The following GAA variants were observed in gnomAD, a reference collection of about 807,000 sequenced individuals.
GAA encodes the protein alpha glucosidase, also known as lysosomal alpha-glucosidase.
In GAA, 88 loss-of-function variants were observed where a neutral mutation model predicts 103.9. That is an observed-to-expected ratio of 0.85 (90% CI 0.71 to 1.01). GAA has a LOEUF of 1.01. Among genes scored for constraint, GAA ranks in the 50% least tolerant of loss-of-function variants. GAA has a pLI of 0.00. For synonymous variants in GAA, 572 were observed against 563.1 expected (o/e 1.02, Z -0.22); for missense variants, 1,350 against 1,305.3 (o/e 1.03, Z -0.53).
chr17:80,119,016 G>A (rs1182845684), intron 19 of GAA, among the ~76,000 whole-genome samples: 2 of 152,208 alleles, frequency 1.3e-5, no homozygotes, highest in South Asian at 2.1e-4. Flanking sequence ...CCACAATGAC[G>A]ACCTCTGAGC....
intron 15 of GAA, among the ~76,000 whole-genome samples, chr17:80,114,862 A>G (rs2143907930): frequency 6.6e-6 from 1 of 152,144 alleles, no homozygotes; most frequent in East Asian, 1.9e-4. Flanking sequence ...TTGACTTCAG[A>G]GTCTCTTAAT....
chr17:80,112,433 G>T, intron 12 of GAA, 145 bp from the exon 13 acceptor site: 1 of 1,032,186 alleles, frequency 9.7e-7, no homozygotes, highest in Non-Finnish European at 1.4e-6. Flanking sequence ...TGTGCCCGCA[G>T]ACATGGGCAG....
chr17:80,104,762 G>A lies in GAA; in HGVS notation c.176G>A (p.Gly59Glu), dbSNP rs749386653. Residue 59 changes from glycine (G) to glutamate (E), a missense_variant, in exon 2 of 20, where the codon GGA (glycine) becomes GAA (glutamate). Transcript: ENST00000302262. This position sits in a 1 kb window ranked among gnomAD's most constrained non-coding sequence, Gnocchi z 4.0. ...LEETHPAHQQ[G>E]ASRPGPRDAQ... ...GAGACTCACCCAGCTCACCAGCAGGGAGCCAGCAGACCAGGGCCCCGGGAT... is the reference window on the plus strand; with the variant it reads ...GAGACTCACCCAGCTCACCAGCAGGAAGCCAGCAGACCAGGGCCCCGGGAT... 6.2e-7 allele frequency: 1 copy of A among 1,611,616 alleles called. No individual in the cohort carries two copies. The highest frequency in any genetic ancestry group is 8.5e-7 in the Non-Finnish European group (1 of 1,179,462).
chr17:80,117,328 G>T (rs1204201500), intron 16 of GAA, among the ~76,000 whole-genome samples: 1 of 152,210 alleles, frequency 6.6e-6, no homozygotes, highest in South Asian at 2.1e-4. Context: ...AGGCCTGCTT[G>T]CAGAACCTGG....
chr17:80,110,668 G>T (rs1369769654), intron 9 of GAA, 59 bp from the exon 10 acceptor site: 1 of 1,459,450 alleles, frequency 6.9e-7, no homozygotes, highest in Non-Finnish European at 9.6e-7. Context: ...GCTCAGTGGG[G>T]CTTCCATGCA....
chr17:80,105,354 T>A lies in GAA; in HGVS notation c.546+222T>A, dbSNP rs192968608. Among the ~76,000 whole-genome samples the A allele has an allele frequency of 4.1e-4, 62 of 152,222 alleles. 1 individual carries two copies. The South Asian group carries it at 6.2e-3, about 15-fold the overall frequency. On this transcript the variant is annotated intron_variant, in intron 2 of 19. Coordinates refer to ENST00000302262, the MANE Select transcript of GAA (RefSeq NM_000152.5). ...GCAGGGCTCGGGGCTCATTCATCTT[T>A]ATGAAAAGGTGGGTCAGGTAGAGTA... is the stretch of plus-strand genomic sequence containing the variant.
chr17:80,105,342 C>G (rs1389094861), intron 2 of GAA, among the ~76,000 whole-genome samples: 1 of 152,160 alleles, frequency 6.6e-6, no homozygotes, highest in Non-Finnish European at 1.5e-5. Flanking sequence ...GGGCTCGGGG[C>G]TCATTCATCT....
chr17:80,108,158 T>G, intron 5 of GAA, 132 bp from the exon 6 acceptor site: 1 of 1,513,914 alleles, frequency 6.6e-7, no homozygotes, highest in Non-Finnish European at 9.1e-7. Flanking sequence ...TTAGCACGGC[T>G]TCCCCAGGCC....
At chr17:80,111,895 A>AG in intron 11 of GAA, 88 bp from the exon 12 acceptor site, 1 of 1,111,934 alleles carries the variant, frequency 9.0e-7, no homozygotes, top group Non-Finnish European at 1.3e-6. Context: ...CGACCTGCAC[A>AG]GGGGCTCCTG....
chr17:80,118,440 C>T lies in GAA; in HGVS notation c.2646+83C>T, dbSNP rs951553781. On this transcript the variant is annotated intron_variant, in intron 18 of 19. Transcript: ENST00000302262. ...GTGAGGGGACCTGGGCTTGGGGGTC[C>T]CACGATGGCTACCTGCCACTAGGAC... 2.2e-5 allele frequency: 34 copies of T among 1,522,418 alleles called. No individual in the cohort carries two copies. The African/African-American group carries it at 3.1e-4, about 14-fold the overall frequency. 94.3% of individuals were successfully genotyped at this position (1,522,418 alleles called of 1,614,324 possible). A position where few individuals can be genotyped will look rare whatever the true frequency, so the allele number is the denominator to read the frequency against.
rs1405999158 is a variant in GAA at position 80,107,680 on chromosome 17, C to G, written c.816C>G (p.Ser272Arg). 1 of 1,612,996 alleles carries G rather than the reference C, an allele frequency of 6.2e-7. No individual in the cohort carries two copies. Among genetic ancestry groups the G allele is most frequent in the Admixed American group, 1.7e-5 (1 of 60,028 alleles). Residue 272 changes from serine to arginine, a missense_variant, in exon 4 of 20, where the codon AGC (serine) becomes AGG (arginine). Physicochemically the swap from Ser to Arg is moderately radical, Grantham distance 110. Coordinates refer to ENST00000302262, the MANE Select transcript of GAA (RefSeq NM_000152.5). ...EHLSPLMLST[S>R]WTRITLWNRD... ...TCAGTCCCCTGATGCTCAGCACCAG[C>G]TGGACCAGGATCACCCTGTGGAACC... is the stretch of plus-strand genomic sequence containing the variant.
intron 15 of GAA, 25 bp downstream of exon 15, chr17:80,113,391 G>A (rs755407536): frequency 3.9e-6 from 6 of 1,529,962 alleles, no homozygotes; most frequent in Non-Finnish European, 5.3e-6. Context: ...CAGGGGCGGT[G>A]GCCCATGTGT....
intron 3 of GAA, among the ~76,000 whole-genome samples, chr17:80,106,449 T>G (rs79194776): frequency 2.6e-5 from 1 of 38,910 alleles, no homozygotes; most frequent in Non-Finnish European, 7.5e-5. Flanking sequence ...AGGGATGGCC[T>G]CTCTGGAAGC....
intron 19 of GAA, among the ~76,000 whole-genome samples, 160 bp downstream of exon 19, chr17:80,118,965 T>C (rs1359691407): frequency 6.6e-6 from 1 of 152,188 alleles, no homozygotes; most frequent in East Asian, 1.9e-4. Flanking sequence ...CCACACAGGC[T>C]GTGCCTTTCC....
rs398123174 is a variant in GAA at position 80,104,893 on chromosome 17, T to C, written c.307T>C (p.Cys103Arg). Residue 103 changes from cysteine to arginine, a missense_variant, in exon 2 of 20, where the codon TGC becomes CGC. Cys to Arg is a radical substitution (Grantham distance 180). Coordinates refer to ENST00000302262, the MANE Select transcript of GAA (RefSeq NM_000152.5). This position sits in a 1 kb window ranked among gnomAD's most constrained non-coding sequence, Gnocchi z 4.0. ...APDKAITQEQ[C>R]EARGCCYIPA... The stretch of plus-strand genomic sequence containing the variant: ...TGACAAGGCCATCACCCAGGAACAG[T>C]GCGAGGCCCGCGGCTGTTGCTACAT... 6.2e-7 allele frequency: 1 copy of C among 1,612,770 alleles called. No homozygotes were observed. Among genetic ancestry groups the C allele is most frequent in the Non-Finnish European group, 8.5e-7 (1 of 1,179,888 alleles).
In GAA at chr17:80,110,904, T is replaced by G. The variant is rs755251487; in HGVS notation, c.1552-37T>G. ...GGGGACTACCCCACCCTCCTCACTC[T>G]GGGCAGAGTCACCTACCAGCAGCGC... is the stretch of plus-strand genomic sequence containing the variant. On this transcript the variant is annotated intron_variant, in intron 10 of 19. Coordinates refer to ENST00000302262, the MANE Select transcript of GAA (RefSeq NM_000152.5). 7 of 1,613,706 alleles carry G rather than the reference T, an allele frequency of 4.3e-6. No individual in the cohort carries two copies. The South Asian group carries it at 7.7e-5, about 18-fold the overall frequency.
At chr17:80,115,895 C>T (rs112095528) in intron 15 of GAA, among the ~76,000 whole-genome samples, 16 of 152,316 alleles carry the variant, frequency 1.1e-4, no homozygotes, top group East Asian at 3.9e-4. Flanking sequence ...TTTGCTGGGG[C>T]GAGGTGGGGA....
intron 5 of GAA, 51 bp downstream of exon 5, chr17:80,107,947 T>A: frequency 6.6e-7 from 1 of 1,523,830 alleles, no homozygotes; most frequent in Non-Finnish European, 8.9e-7. Context: ...CCGTGCTGCC[T>A]GCCCTGGAGA....
rs780851357 is a variant in GAA, at chr17:80,113,243, A to G, written c.2066A>G (p.Glu689Gly). Residue 689 changes from glutamate (E) to glycine (G), a missense_variant, in exon 15 of 20, where the codon GAG becomes GGG. Transcript: ENST00000302262. ...SLPQEPYSFS[E>G]PAQQAMRKAL... ...CCCCAGGAGCCGTACAGCTTCAGCGAGCCGGCCCAGCAGGCCATGAGGAAG... is the reference window on the plus strand; with the variant it reads ...CCCCAGGAGCCGTACAGCTTCAGCGGGCCGGCCCAGCAGGCCATGAGGAAG... The G allele has an allele frequency of 1.9e-6, 3 of 1,601,442 alleles. No individual in the cohort carries two copies. The Admixed American group carries it at 5.1e-5, about 27-fold the overall frequency.
Sources: gnomAD v4.1 joint callset for allele counts (sites outside exome capture counted in the v4.1 genomes callset) on GRCh38, gnomAD v4.1.1 for gene constraint, Gnocchi (gnomAD v3.1) non-coding constraint, MANE v1.5 for transcripts, NCBI Gene and HGNC (gene_info 2026-07-23, HGNC 2026-07-21) for gene names.